The following BCAS3 variants were observed in gnomAD, a reference collection of about 807,000 sequenced individuals.
The protein encoded by BCAS3 is BCAS3 microtubule associated cell migration factor.
Under a neutral mutation model 116.1 loss-of-function variants are expected in BCAS3, and 53 were observed. That is an observed-to-expected ratio of 0.46 (90% CI 0.37 to 0.57). The LOEUF (loss-of-function observed/expected upper bound fraction) is 0.57. BCAS3 is among the 20% of genes least tolerant of loss of function. The probability of loss-of-function intolerance (pLI) is 0.00; values close to 1 mark genes in which losing one functional copy is unlikely to be tolerated. For missense variants in BCAS3, 917 were observed against 1,165.4 expected (o/e 0.79, Z 3.10); for synonymous variants, 391 against 408.2 (o/e 0.96, Z 0.51).
At position 61,333,348 on chromosome 17, in the gene BCAS3, G is replaced by A. The variant is rs2143138048; in HGVS notation, c.2426-34979G>A. ...TGATCTCTGCCTGTAATCTTCAGAGGGCACCAGTTCTTACCAGACAATAGC... is the reference window on the plus strand; with the variant it reads ...TGATCTCTGCCTGTAATCTTCAGAGAGCACCAGTTCTTACCAGACAATAGC... On this transcript the variant is annotated intron_variant, in intron 22 of 23. Coordinates refer to ENST00000407086, the MANE Select transcript of BCAS3 (RefSeq NM_017679.5). This position sits in a 1 kb window ranked among gnomAD's most constrained non-coding sequence, Gnocchi z 4.8. Among the ~76,000 whole-genome samples the A allele has an allele frequency of 6.6e-6, 1 of 152,282 alleles. No homozygotes were observed. Among genetic ancestry groups the A allele is most frequent in the South Asian group, 2.1e-4 (1 of 4,818 alleles).
At chr17:60,727,559 G>T in intron 5 of BCAS3, 4 of 1,092,902 alleles carry the variant, frequency 3.7e-6, no homozygotes, top group Non-Finnish European at 1.3e-6. Context: ...CAAAGCTCTC[G>T]CCTGACAGGA....
intron 8 of BCAS3, among the ~76,000 whole-genome samples, chr17:60,869,467 AT>A: frequency 6.6e-6 from 1 of 152,300 alleles, no homozygotes; most frequent in Non-Finnish European, 1.5e-5. Context: ...ATTTCAGTAA[AT>A]TTAAGTGAAG....
intron 5 of BCAS3, among the ~76,000 whole-genome samples, chr17:60,729,315 C>CT (rs560082947): frequency 0.047 from 5,109 of 108,998 alleles, 257 homozygotes; most frequent in African/African-American, 0.14. Context: ...TATGTGGACT[C>CT]TTTTTTTTTT....
At chr17:60,769,684 C>T (rs897699374) in intron 6 of BCAS3, among the ~76,000 whole-genome samples, 2 of 152,112 alleles carry the variant, frequency 1.3e-5, no homozygotes, top group East Asian at 1.9e-4. Context: ...TTGTCCTTGG[C>T]GTGTGTGAAG....
chr17:60,987,387 G>A (rs550219842), intron 14 of BCAS3, among the ~76,000 whole-genome samples: 1 of 151,320 alleles, frequency 6.6e-6, no homozygotes, highest in Admixed American at 6.6e-5. Context: ...AATGTCATAG[G>A]TATTTTGATA....
intron 22 of BCAS3, chr17:61,245,333 A>G (rs1184125238): frequency 6.6e-6 from 1 of 152,232 alleles, no homozygotes. Context: ...ACTACAAGTC[A>G]AGATGAGATT....
chr17:61,138,632 A>T (rs2076771092), intron 22 of BCAS3, among the ~76,000 whole-genome samples: 2 of 152,262 alleles, frequency 1.3e-5, no homozygotes. Context: ...TGAGGAATAA[A>T]AGGATAAATG....
chr17:60,738,869 C>T (rs1385123725), intron 5 of BCAS3, among the ~76,000 whole-genome samples: 1 of 152,132 alleles, frequency 6.6e-6, no homozygotes, highest in African/African-American at 2.4e-5. Context: ...GATCCTCCTG[C>T]CTCAGCCTTC....
intron 22 of BCAS3, among the ~76,000 whole-genome samples, chr17:61,117,111 G>A (rs1370938537): frequency 6.6e-6 from 1 of 151,988 alleles, no homozygotes; most frequent in Non-Finnish European, 1.5e-5. Context: ...CTCCTTTCGG[G>A]CTTAAAGGGA....
chr17:60,781,227 C>T (rs28464949), intron 6 of BCAS3, among the ~76,000 whole-genome samples: 1 of 151,850 alleles, frequency 6.6e-6, no homozygotes, highest in African/African-American at 2.4e-5. Flanking sequence ...GCCTCAGCCT[C>T]CCAAAGTACT....
rs2072869036 is a variant in BCAS3 at position 61,083,911 on chromosome 17, G to C, written c.2328-556G>C. Among the ~76,000 whole-genome samples the C allele has an allele frequency of 6.6e-6, 1 of 152,158 alleles. No homozygotes were observed. Among genetic ancestry groups the C allele is most frequent in the African/African-American group, 2.4e-5 (1 of 41,430 alleles). On this transcript the variant is annotated intron_variant, in intron 21 of 23. Transcript: ENST00000407086. This position sits in a 1 kb window ranked among gnomAD's most constrained non-coding sequence, Gnocchi z 4.9. ...GTATGCTAGTTGGTAATTTTATAAA[G>C]GTAGCTCAGTTAGTAGTGACCCACC... is the stretch of plus-strand genomic sequence containing the variant.
chr17:61,187,007 G>T (rs1054100115), intron 22 of BCAS3, among the ~76,000 whole-genome samples: 1 of 152,174 alleles, frequency 6.6e-6, no homozygotes, highest in Non-Finnish European at 1.5e-5. Flanking sequence ...ACTGCGCCCA[G>T]CCAACAGTTT....
intron 9 of BCAS3, among the ~76,000 whole-genome samples, chr17:60,884,476 C>G (rs1160809788): frequency 7.2e-6 from 1 of 138,332 alleles, no homozygotes; most frequent in Non-Finnish European, 1.5e-5. Context: ...TATTTCTTGC[C>G]TTCTGCTAGC....
chr17:60,720,455 T>A (rs540195690), intron 5 of BCAS3: 1 of 152,328 alleles, frequency 6.6e-6, no homozygotes, highest in East Asian at 1.9e-4. Flanking sequence ...TCTTTTGAAA[T>A]GCTTATTTTT....
intron 22 of BCAS3, among the ~76,000 whole-genome samples, chr17:61,270,774 C>G (rs545128680): frequency 7.6e-4 from 116 of 152,104 alleles, no homozygotes; most frequent in Non-Finnish European, 1.3e-3. Flanking sequence ...TGAAGTTTTG[C>G]TCTTGTTGCC....
At chr17:60,816,255 A>G (rs1756497753) in intron 7 of BCAS3, among the ~76,000 whole-genome samples, 1 of 151,016 alleles carries the variant, frequency 6.6e-6, no homozygotes, top group African/African-American at 2.4e-5. Context: ...CTTTTGATGT[A>G]TAACTTTTCT....
intron 10 of BCAS3, among the ~76,000 whole-genome samples, chr17:60,895,820 A>C (rs2057471346): frequency 6.6e-6 from 1 of 152,154 alleles, no homozygotes; most frequent in Non-Finnish European, 1.5e-5. Context: ...TCCATATGTA[A>C]AGTTTCCAGA....
At chr17:60,997,097 T>C (rs1037371525) in intron 15 of BCAS3, among the ~76,000 whole-genome samples, 1 of 152,160 alleles carries the variant, frequency 6.6e-6, no homozygotes, top group Non-Finnish European at 1.5e-5. Flanking sequence ...ATAAGGAGTG[T>C]GCAACCTAGA....
chr17:61,108,978 G>C (rs777239012), intron 22 of BCAS3, among the ~76,000 whole-genome samples: 1 of 152,048 alleles, frequency 6.6e-6, no homozygotes, highest in Non-Finnish European at 1.5e-5. Context: ...ACGAGGTCAA[G>C]AGATCAAGAC....
Sources: gnomAD v4.1 joint callset for allele counts (sites outside exome capture counted in the v4.1 genomes callset) on GRCh38, gnomAD v4.1.1 for gene constraint, Gnocchi (gnomAD v3.1) non-coding constraint, MANE v1.5 for transcripts, NCBI Gene and HGNC (gene_info 2026-07-23, HGNC 2026-07-21) for gene names.